RAB31: variants seen among roughly 807,000 people sequenced by gnomAD.
The protein encoded by RAB31 is RAB31, member RAS oncogene family.
A neutral mutation model predicts 25.6 loss-of-function variants in RAB31; 21 were observed. That is an observed-to-expected ratio of 0.82 (90% CI 0.58 to 1.18). RAB31 has a LOEUF of 1.18. Among genes scored for constraint, RAB31 ranks in the 50% most tolerant of loss-of-function variants. The probability of loss-of-function intolerance (pLI) is 0.00; values close to 1 mark genes in which losing one functional copy is unlikely to be tolerated. For synonymous variants in RAB31, 87 were observed against 84.0 expected (o/e 1.04, Z -0.20); for missense variants, 196 against 250.1 (o/e 0.78, Z 1.46).
chr18:9,734,188 A>C (rs2068138647), intron 1 of RAB31, among the ~76,000 whole-genome samples: 1 of 151,538 alleles, frequency 6.6e-6, no homozygotes. Context: ...TATCTATCGC[A>C]CTCTATATAC....
chr18:9,845,704 A>G lies in RAB31; in HGVS notation c.490+13A>G. The G allele has an allele frequency of 1.3e-6, 2 of 1,533,924 alleles. No individual in the cohort carries two copies. The highest frequency in any genetic ancestry group is 1.8e-6 in the Non-Finnish European group (2 of 1,141,958). ...TTTCAAGGAATCAGTAAGTACCTGAAATTGGGTTTTCAGCCCAACTTGCAT... is the reference window on the plus strand; with the variant it reads ...TTTCAAGGAATCAGTAAGTACCTGAGATTGGGTTTTCAGCCCAACTTGCAT... On this transcript the variant is annotated intron_variant, in intron 6 of 6. Coordinates refer to ENST00000578921, the MANE Select transcript of RAB31 (RefSeq NM_006868.4).
chr18:9,783,421 T>G (rs537421701), intron 2 of RAB31, among the ~76,000 whole-genome samples: 1 of 152,308 alleles, frequency 6.6e-6, no homozygotes, highest in Non-Finnish European at 1.5e-5. Flanking sequence ...TATTTTATAT[T>G]TTTTCCAAGA....
intron 5 of RAB31, among the ~76,000 whole-genome samples, chr18:9,823,415 G>A (rs1410102482): frequency 3.3e-5 from 5 of 152,152 alleles, no homozygotes; most frequent in African/African-American, 9.7e-5. Flanking sequence ...GTGCATACAA[G>A]TAAAACTGGA....
rs553788169 is a variant in RAB31, at chr18:9,791,744, C to T, written c.120-410C>T. On this transcript the variant is annotated intron_variant, in intron 2 of 6. Coordinates refer to ENST00000578921, the MANE Select transcript of RAB31 (RefSeq NM_006868.4). ...AAGTAGCTGGGACCGCAGGTGCCTG[C>T]CACCACGCCGCCACCAGGCCTGGCT... 7.9e-5 allele frequency among the ~76,000 whole-genome samples: 12 copies of T among 152,134 alleles called. 1 individual carries two copies. In the South Asian group the frequency reaches 8.3e-4, roughly 11 times the overall value.
intron 3 of RAB31, among the ~76,000 whole-genome samples, chr18:9,809,121 C>G (rs2068557427): frequency 6.6e-6 from 1 of 152,188 alleles, no homozygotes; most frequent in Non-Finnish European, 1.5e-5. Context: ...GTGTAGTGCA[C>G]ACTACACGGA....
intron 1 of RAB31, among the ~76,000 whole-genome samples, chr18:9,742,764 C>T (rs1321294747): frequency 6.6e-6 from 1 of 152,192 alleles, no homozygotes; most frequent in Non-Finnish European, 1.5e-5. Context: ...CAGACGCCTT[C>T]TCCGGACAGT....
At chr18:9,854,947 A>G (rs2068808207) in intron 6 of RAB31, among the ~76,000 whole-genome samples, 1 of 152,262 alleles carries the variant, frequency 6.6e-6, no homozygotes, top group Non-Finnish European at 1.5e-5. Flanking sequence ...AACACCAAAC[A>G]AAAGATAACC....
chr18:9,779,512 G>A (rs2068391177), intron 2 of RAB31, among the ~76,000 whole-genome samples: 1 of 152,180 alleles, frequency 6.6e-6, no homozygotes, highest in Non-Finnish European at 1.5e-5. Context: ...TTCACTGCTG[G>A]TTGCCAGCCT....
At chr18:9,758,198 G>A (rs772695906) in intron 1 of RAB31, 1 of 152,154 alleles carries the variant, frequency 6.6e-6, no homozygotes, top group African/African-American at 2.4e-5. Flanking sequence ...CTCTTTCTTC[G>A]ACCTCTCAGT....
chr18:9,715,068 G>A (rs2068037112), intron 1 of RAB31, among the ~76,000 whole-genome samples: 1 of 152,154 alleles, frequency 6.6e-6, no homozygotes, highest in African/African-American at 2.4e-5. Context: ...GGGATGGAGA[G>A]GCTTCTGGTT....
rs1445069349 is a variant in RAB31, at chr18:9,766,290, C to T, written c.40-8988C>T. On this transcript the variant is annotated intron_variant, in intron 1 of 6. Transcript: ENST00000578921. This position sits in a 1 kb window ranked among gnomAD's most constrained non-coding sequence, Gnocchi z 4.3. The stretch of plus-strand genomic sequence containing the variant: ...TCCAAGATGTGGAGGCGCCTTCCTG[C>T]GTGACCTCATCTCTGCATCTGCGAG... Among the ~76,000 whole-genome samples, 2 of 152,202 alleles carry T rather than the reference C, an allele frequency of 1.3e-5. No individual in the cohort carries two copies. Among genetic ancestry groups the T allele is most frequent in the African/African-American group, 4.8e-5 (2 of 41,448 alleles).
chr18:9,809,952 A>T (rs2068562313), intron 3 of RAB31, among the ~76,000 whole-genome samples: 2 of 152,240 alleles, frequency 1.3e-5, no homozygotes, highest in South Asian at 4.1e-4. Context: ...GAGCAGCCGG[A>T]GAAGCTCCAA....
Position 9,859,510 on chromosome 18 carries a change from T to A in RAB31, c.*185T>A. The A allele has an allele frequency of 2.1e-6, 1 of 477,056 alleles. No individual in the cohort carries two copies. The highest frequency in any genetic ancestry group is 3.7e-6 in the Non-Finnish European group (1 of 273,202). The allele number at this position is 477,056 out of a possible 1,614,324, so 29.6% of individuals were successfully genotyped here. On this transcript the variant is annotated 3_prime_UTR_variant, in exon 7 of 7. Coordinates refer to ENST00000578921, the MANE Select transcript of RAB31 (RefSeq NM_006868.4). ...ACCTGAAAAGGATTTTAGAAAACCC[T>A]GGGAAAACCCACCACACCACCACAA...
chr18:9,759,352 A>G (rs964536479), intron 1 of RAB31, among the ~76,000 whole-genome samples: 1 of 151,880 alleles, frequency 6.6e-6, no homozygotes, highest in African/African-American at 2.4e-5. Context: ...TTGATTTTTC[A>G]TAAAGACAGT....
At chr18:9,837,428 G>A (rs375921641) in intron 5 of RAB31, among the ~76,000 whole-genome samples, 5 of 152,136 alleles carry the variant, frequency 3.3e-5, no homozygotes, top group East Asian at 3.9e-4. Flanking sequence ...TTATTTAATC[G>A]TGATACAAAA....
At chr18:9,751,156 C>T (rs1391253467) in intron 1 of RAB31, among the ~76,000 whole-genome samples, 1 of 152,082 alleles carries the variant, frequency 6.6e-6, no homozygotes. Flanking sequence ...GCCTCAGACT[C>T]CCGAGTAGCT....
At chr18:9,744,335 C>T (rs2068194912) in intron 1 of RAB31, among the ~76,000 whole-genome samples, 1 of 152,166 alleles carries the variant, frequency 6.6e-6, no homozygotes, top group African/African-American at 2.4e-5. Flanking sequence ...AAATGACCCC[C>T]TCCAAGCCGT....
intron 5 of RAB31, among the ~76,000 whole-genome samples, chr18:9,838,471 G>C (rs1306661324): frequency 1.3e-5 from 2 of 152,164 alleles, no homozygotes; most frequent in East Asian, 1.9e-4. Flanking sequence ...CTGTGGATTT[G>C]ATTCCCTTCC....
rs763429535 is a variant in RAB31, at chr18:9,756,683, C to G, written c.40-18595C>G. Among the ~76,000 whole-genome samples, 24 of 152,278 alleles carry G rather than the reference C, an allele frequency of 1.6e-4. No individual in the cohort carries two copies. The South Asian group carries it at 4.6e-3, about 29-fold the overall frequency. On this transcript the variant is annotated intron_variant, in intron 1 of 6. Transcript: ENST00000578921. ...TCATTGTGGAGTCTTAGTGTTGATACGATAGACTCTGGTACTTTAAATCAG... is the reference window on the plus strand; with the variant it reads ...TCATTGTGGAGTCTTAGTGTTGATAGGATAGACTCTGGTACTTTAAATCAG...
Sources: gnomAD v4.1 joint callset for allele counts (sites outside exome capture counted in the v4.1 genomes callset) on GRCh38, gnomAD v4.1.1 for gene constraint, Gnocchi (gnomAD v3.1) non-coding constraint, MANE v1.5 for transcripts, NCBI Gene and HGNC (gene_info 2026-07-23, HGNC 2026-07-21) for gene names.